Variants in RASSF2 observed in about 807,000 individuals in gnomAD.
RASSF2 encodes the protein ras association domain-containing protein 2.
RASSF2 carries 34 observed loss-of-function variants against 46.3 expected under a neutral mutation model. The ratio of observed to expected loss-of-function variants is 0.73; its 90% confidence interval spans 0.56 to 0.98. The LOEUF (loss-of-function observed/expected upper bound fraction) is 0.98. Among genes scored for constraint, RASSF2 ranks in the 50% least tolerant of loss-of-function variants. The pLI is 0.00. For synonymous variants in RASSF2, 158 were observed against 162.5 expected, an observed-to-expected ratio of 0.97 and a Z score of 0.21; for missense variants, 364 against 431.2, an observed-to-expected ratio of 0.84 and a Z score of 1.38.
At chr20:4,799,461 A>G (rs959013479) in intron 3 of RASSF2, among the ~76,000 whole-genome samples, 38 of 152,246 alleles carry the variant, frequency 2.5e-4, no homozygotes, top group African/African-American at 8.7e-4. Context: ...GGCAGAGTTC[A>G]GCCTCTCTGA....
At position 4,784,259 on chromosome 20, in the gene RASSF2, C is replaced by G. The variant is rs201647965; in HGVS notation, c.*14G>C. ...GCGGTTCCTGGGGTGCCCAGATCCC[C>G]TCGTTCTCATGGCTCAGATTGTTGC... is the stretch of plus-strand genomic sequence containing the variant. On this transcript the variant is annotated 3_prime_UTR_variant, in exon 12 of 12. Transcript: ENST00000379400. The G allele has an allele frequency of 6.2e-6, 10 of 1,611,444 alleles. No homozygotes were observed. The highest frequency in any genetic ancestry group is 2.2e-5 in the East Asian group (1 of 44,854).
At chr20:4,797,425 A>T (rs1300086829) in intron 4 of RASSF2, among the ~76,000 whole-genome samples, 1 of 152,202 alleles carries the variant, frequency 6.6e-6, no homozygotes, top group Non-Finnish European at 1.5e-5. Context: ...AAAGTACCCT[A>T]CCAGACTCCT....
chr20:4,801,800 A>G (rs1411564989), intron 2 of RASSF2, among the ~76,000 whole-genome samples: 1 of 152,068 alleles, frequency 6.6e-6, no homozygotes, highest in Non-Finnish European at 1.5e-5. Flanking sequence ...GTGCAGTGGT[A>G]TGACCTCAGC....
At chr20:4,793,020 G>GT (rs1226001978) in intron 5 of RASSF2, 3 of 188,496 alleles carry the variant, frequency 1.6e-5, no homozygotes, top group African/African-American at 7.1e-5. Context: ...GTGGCCATTC[G>GT]TTTTGCAGGG....
intron 6 of RASSF2, among the ~76,000 whole-genome samples, chr20:4,792,234 TGGGAA>T (rs1207533684): frequency 2.3e-5 from 2 of 85,322 alleles, no homozygotes; most frequent in African/African-American, 9.7e-5. Context: ...CAGAGGGAGA[TGGGAA>T]GGGAAGGGAA....
At chr20:4,791,092 T>C (rs6037964) in intron 6 of RASSF2, among the ~76,000 whole-genome samples, 13,490 of 152,232 alleles carry the variant, frequency 0.089, 844 homozygotes, top group African/African-American at 0.17. Context: ...ACAAGCCAAT[T>C]ACAAAACAGC....
rs1286422389 is a variant in RASSF2 at position 4,802,141 on chromosome 20, A to G, written c.-32-1079T>C. 2.6e-5 allele frequency among the ~76,000 whole-genome samples: 4 copies of G among 151,530 alleles called. No homozygotes were observed. The East Asian group carries it at 7.7e-4, about 29-fold the overall frequency. On this transcript the variant is annotated intron_variant, in intron 2 of 11. Transcript: ENST00000379400. ...GCTGGGAGTGCAGTGGCATGACCAT[A>G]GCTCACTGCAGCCTCAAATCCCTGG... is the stretch of plus-strand genomic sequence containing the variant.
intron 2 of RASSF2, among the ~76,000 whole-genome samples, chr20:4,820,425 C>T (rs908777492): frequency 1.3e-5 from 2 of 151,996 alleles, no homozygotes; most frequent in East Asian, 1.9e-4. Context: ...GTGGGAGGAT[C>T]GCTTGGGCCC....
chr20:4,792,279 AG>A (rs1925950727), intron 6 of RASSF2, among the ~76,000 whole-genome samples: 1 of 12,810 alleles, frequency 7.8e-5, no homozygotes, highest in Non-Finnish European at 1.5e-4. Flanking sequence ...AGGGGAGGGG[AG>A]GGGAGGGGGA....
At chr20:4,811,273 C>T (rs911089443) in intron 2 of RASSF2, among the ~76,000 whole-genome samples, 1 of 60,388 alleles carries the variant, frequency 1.7e-5, no homozygotes, top group Non-Finnish European at 3.8e-5. Context: ...ATCGCTTGAG[C>T]ACAGAAGTTC....
At chr20:4,792,702 G>T in intron 5 of RASSF2, 75 bp from the exon 6 acceptor site, 1 of 1,533,656 alleles carries the variant, frequency 6.5e-7, no homozygotes, top group Non-Finnish European at 8.8e-7. Context: ...GCACCCGCTG[G>T]ACCCCACTCC....
chr20:4,806,308 C>T (rs1234239842), intron 2 of RASSF2, among the ~76,000 whole-genome samples: 2 of 152,220 alleles, frequency 1.3e-5, no homozygotes, highest in Non-Finnish European at 1.5e-5. Context: ...GAGCTGATCG[C>T]GCAGCCTGGT....
chr20:4,815,275 T>A (rs1196114506), intron 2 of RASSF2, among the ~76,000 whole-genome samples: 1 of 152,158 alleles, frequency 6.6e-6, no homozygotes, highest in Non-Finnish European at 1.5e-5. Flanking sequence ...CCCAACTACG[T>A]GGCACCATGG....
In RASSF2 at chr20:4,790,429, C is replaced by G; in HGVS notation, c.537+22G>C. On this transcript the variant is annotated intron_variant, in intron 7 of 11. Coordinates refer to ENST00000379400, the MANE Select transcript of RASSF2 (RefSeq NM_014737.3). The surrounding 1 kb of genome is among the most constrained non-coding windows in gnomAD (Gnocchi z 4.3). Reference sequence around the variant, plus strand: ...ACCCAGGAAGAGGTCTTCCACCCTCCCCGTCCCCCTGTCCACCTTACCTTA... The same window carrying G: ...ACCCAGGAAGAGGTCTTCCACCCTCGCCGTCCCCCTGTCCACCTTACCTTA... The G allele has an allele frequency of 7.0e-7, 1 of 1,437,382 alleles. No homozygotes were observed. Among genetic ancestry groups the G allele is most frequent in the Non-Finnish European group, 9.1e-7 (1 of 1,093,632 alleles). 89.0% of individuals were successfully genotyped at this position (1,437,382 alleles called of 1,614,324 possible). A position where few individuals can be genotyped will look rare whatever the true frequency, so the allele number is the denominator to read the frequency against.
At chr20:4,800,184 A>G (rs560596297) in intron 3 of RASSF2, among the ~76,000 whole-genome samples, 2 of 152,260 alleles carry the variant, frequency 1.3e-5, no homozygotes, top group South Asian at 4.1e-4. Context: ...GCTCAAGCCC[A>G]GTCACATTAG....
intron 11 of RASSF2, 88 bp from the exon 12 acceptor site, chr20:4,784,430 T>C (rs1234219663): frequency 8.7e-6 from 11 of 1,257,846 alleles, no homozygotes; most frequent in Non-Finnish European, 1.3e-5. Context: ...AACACCAAGG[T>C]CACACCAGGT....
At chr20:4,801,592 T>C (rs1926873890) in intron 2 of RASSF2, among the ~76,000 whole-genome samples, 1 of 152,160 alleles carries the variant, frequency 6.6e-6, no homozygotes. Context: ...AACAAAACTA[T>C]GGGTCTAATT....
In RASSF2 at chr20:4,782,437, G is replaced by C. The variant is rs1183480809; in HGVS notation, c.*1836C>G. The C allele has an allele frequency of 1.3e-5, 2 of 152,684 alleles. No individual in the cohort carries two copies. The highest frequency in any genetic ancestry group is 4.8e-5 in the African/African-American group (2 of 41,466). The allele number at this position is 152,684 out of a possible 1,614,324, so 9.5% of individuals were successfully genotyped here. The stretch of plus-strand genomic sequence containing the variant: ...TGTAACAAAGGAAGCCTCTCCCGGT[G>C]GCTACTCTTTGTCTTCTTACCCCAG... On this transcript the variant is annotated 3_prime_UTR_variant, in exon 12 of 12. Transcript: ENST00000379400.
At chr20:4,803,496 G>A (rs572753564) in intron 2 of RASSF2, among the ~76,000 whole-genome samples, 2 of 152,274 alleles carry the variant, frequency 1.3e-5, no homozygotes, top group East Asian at 3.9e-4. Flanking sequence ...GTTCATGCCC[G>A]TGACTGCAAT....
Sources: gnomAD v4.1 joint callset for allele counts (sites outside exome capture counted in the v4.1 genomes callset) on GRCh38, gnomAD v4.1.1 for gene constraint, Gnocchi (gnomAD v3.1) non-coding constraint, MANE v1.5 for transcripts, NCBI Gene and HGNC (gene_info 2026-07-23, HGNC 2026-07-21) for gene names.